Variants in RXRA observed in about 807,000 individuals in gnomAD.
RXRA encodes retinoic acid receptor RXR-alpha.
In RXRA, 5 loss-of-function variants were observed where a neutral mutation model predicts 44.5. That is an observed-to-expected ratio of 0.11 (90% CI 0.06 to 0.24). The LOEUF (loss-of-function observed/expected upper bound fraction) is 0.24. RXRA is among the 10% of genes least tolerant of loss of function. The pLI is 1.00. For missense variants in RXRA, 412 were observed against 646.5 expected (o/e 0.64, Z 3.93); for synonymous variants, 291 against 271.4 (o/e 1.07, Z -0.71).
Position 134,343,548 on chromosome 9 carries a change from G to A in RXRA, c.28+16889G>A, listed in dbSNP as rs964495174. On this transcript the variant is annotated intron_variant, in intron 1 of 9. Transcript: ENST00000481739. This position sits in a 1 kb window ranked among gnomAD's most constrained non-coding sequence, Gnocchi z 4.1. ...AGTGGTTGCAGGGGCAGCTAGTTCT[G>A]GAACCATCCTAGGACCTAGAAATTG... 5.3e-5 allele frequency among the ~76,000 whole-genome samples: 8 copies of A among 152,208 alleles called. No homozygotes were observed. Among genetic ancestry groups the A allele is most frequent in the Admixed American group, 5.2e-4 (8 of 15,294 alleles).
At chr9:134,416,105 G>C (rs1588298869) in intron 4 of RXRA, among the ~76,000 whole-genome samples, 1 of 152,130 alleles carries the variant, frequency 6.6e-6, no homozygotes, top group Non-Finnish European at 1.5e-5. Context: ...CCGCCCATAA[G>C]CCAAGTGGAC....
intron 1 of RXRA, among the ~76,000 whole-genome samples, chr9:134,395,229 G>A (rs1298360913): frequency 6.6e-6 from 1 of 152,228 alleles, no homozygotes; most frequent in Non-Finnish European, 1.5e-5. Context: ...CTGTGGCGTT[G>A]TGTCTGGTGC....
intron 7 of RXRA, among the ~76,000 whole-genome samples, chr9:134,430,208 G>A (rs531385391): frequency 2.6e-5 from 4 of 152,224 alleles, no homozygotes; most frequent in Non-Finnish European, 4.4e-5. Context: ...CTTTCTCCAC[G>A]AGTCTAGAGA....
intron 4 of RXRA, among the ~76,000 whole-genome samples, chr9:134,413,014 C>T (rs978863446): frequency 8.6e-5 from 13 of 150,914 alleles, no homozygotes; most frequent in African/African-American, 2.7e-4. Flanking sequence ...TGTGCATGTG[C>T]GTGCACTGCA....
chr9:134,417,564 G>T lies in RXRA; in HGVS notation c.780+237G>T, dbSNP rs1236659671. Among the ~76,000 whole-genome samples, 2 of 152,048 alleles carry T rather than the reference G, an allele frequency of 1.3e-5. No homozygotes were observed. The highest frequency in any genetic ancestry group is 4.8e-5 in the African/African-American group (2 of 41,416). On this transcript the variant is annotated intron_variant, in intron 5 of 9. Transcript: ENST00000481739. This position sits in a 1 kb window ranked among gnomAD's most constrained non-coding sequence, Gnocchi z 6.1. ...GTAGCCCATGGGGCAGGGGCCAGGG[G>T]CCAGGGGCCCGGGGCCTGGGGCCCT...
intron 4 of RXRA, among the ~76,000 whole-genome samples, chr9:134,410,855 G>A (rs1319897089): frequency 1.3e-5 from 2 of 152,228 alleles, no homozygotes; most frequent in Admixed American, 6.5e-5. Context: ...AGAGCGCTGT[G>A]CATGGCTGAT....
At chr9:134,346,910 C>T (rs1554748879) in intron 1 of RXRA, among the ~76,000 whole-genome samples, 3 of 152,182 alleles carry the variant, frequency 2.0e-5, no homozygotes, top group African/African-American at 4.8e-5. Flanking sequence ...TCCCATCTTA[C>T]GGAGGGGGAG....
At chr9:134,430,010 C>T (rs559980951) in intron 7 of RXRA, among the ~76,000 whole-genome samples, 34 of 152,294 alleles carry the variant, frequency 2.2e-4, no homozygotes, top group Admixed American at 9.2e-4. Context: ...CTCAGCCTCC[C>T]GAGTAGCTGG....
chr9:134,339,157 T>C (rs1469161767), intron 1 of RXRA, among the ~76,000 whole-genome samples: 1 of 152,210 alleles, frequency 6.6e-6, no homozygotes, highest in East Asian at 1.9e-4. Flanking sequence ...CTGTGCCCTG[T>C]CCGTAGGGAC....
intron 1 of RXRA, among the ~76,000 whole-genome samples, chr9:134,392,948 T>C (rs1483287951): frequency 6.6e-6 from 1 of 151,678 alleles, no homozygotes; most frequent in East Asian, 1.9e-4. Context: ...TGCCAGCCCC[T>C]CAGCCCTCTA....
intron 1 of RXRA, among the ~76,000 whole-genome samples, chr9:134,384,240 A>G (rs1374253850): frequency 6.6e-6 from 1 of 151,520 alleles, no homozygotes; most frequent in African/African-American, 2.4e-5. Context: ...GGAGTCCTCA[A>G]CCCTCTTCAG....
At chr9:134,371,783 G>A (rs536820617) in intron 1 of RXRA, among the ~76,000 whole-genome samples, 2 of 152,342 alleles carry the variant, frequency 1.3e-5, no homozygotes, top group Non-Finnish European at 1.5e-5. Context: ...CGGGGCCACA[G>A]GGCAGCCATG....
chr9:134,348,747 G>A (rs1830185160), intron 1 of RXRA, among the ~76,000 whole-genome samples: 3 of 152,228 alleles, frequency 2.0e-5, no homozygotes, highest in Admixed American at 6.5e-5. Flanking sequence ...TCACGTGTCC[G>A]CCATGTGCTG....
intron 1 of RXRA, among the ~76,000 whole-genome samples, chr9:134,344,027 G>A (rs782368018): frequency 3.9e-5 from 6 of 152,182 alleles, no homozygotes; most frequent in Non-Finnish European, 8.8e-5. Context: ...GCCCTATGTG[G>A]CCCTACCTCT....
At chr9:134,394,354 A>C (rs1360945274) in intron 1 of RXRA, among the ~76,000 whole-genome samples, 1 of 151,292 alleles carries the variant, frequency 6.6e-6, no homozygotes, top group Admixed American at 6.6e-5. Context: ...TTTATAATCA[A>C]GAGTGGTTTT....
At chr9:134,351,106 A>G (rs2119043286) in intron 1 of RXRA, among the ~76,000 whole-genome samples, 1 of 152,332 alleles carries the variant, frequency 6.6e-6, no homozygotes, top group Middle Eastern at 3.4e-3. Flanking sequence ...CGCTGGCTGC[A>G]GGGGGCTGAG....
At position 134,422,120 on chromosome 9, in the gene RXRA, C is replaced by T. The variant is rs558262474; in HGVS notation, c.910+315C>T. 1.9e-5 allele frequency: 25 copies of T among 1,327,182 alleles called. 1 individual carries two copies. Among genetic ancestry groups the T allele is most frequent in the Admixed American group, 9.1e-5 (4 of 44,088 alleles). 82.2% of individuals were successfully genotyped at this position (1,327,182 alleles called of 1,614,324 possible). ...ACTCCTGGGACACACTTCTACCTCC[C>T]GGGACACTCCCCACTCCTGGGACAC... On this transcript the variant is annotated intron_variant, in intron 6 of 9. Transcript: ENST00000481739.
At chr9:134,429,054 G>A in intron 6 of RXRA, 54 bp from the exon 7 acceptor site, 2 of 1,603,712 alleles carry the variant, frequency 1.2e-6, no homozygotes, top group Non-Finnish European at 8.5e-7. Flanking sequence ...CTGGGGAAGG[G>A]GCGAGCCCCG....
intron 1 of RXRA, among the ~76,000 whole-genome samples, chr9:134,378,521 G>A (rs1830593080): frequency 6.6e-6 from 1 of 152,230 alleles, no homozygotes; most frequent in South Asian, 2.1e-4. Context: ...TTTGCTTAGA[G>A]GCAGGGTCCT....
Sources: allele counts gnomAD v4.1 joint callset (sites outside exome capture counted in the v4.1 genomes callset), GRCh38; gene constraint gnomAD v4.1.1; non-coding constraint Gnocchi (gnomAD v3.1); transcripts MANE v1.5; gene names NCBI Gene and HGNC (gene_info 2026-07-23, HGNC 2026-07-21).